DLGAP4: variants seen among roughly 807,000 people sequenced by gnomAD.
DLGAP4 encodes DLG associated protein 4, also known as disks large-associated protein 4.
DLGAP4 carries 18 observed loss-of-function variants against 86.9 expected under a neutral mutation model. That is an observed-to-expected ratio of 0.21 (90% CI 0.14 to 0.31). The LOEUF (loss-of-function observed/expected upper bound fraction) is 0.31. Among genes scored for constraint, DLGAP4 ranks in the 10% least tolerant of loss-of-function variants. DLGAP4 has a pLI of 1.00. For synonymous variants in DLGAP4, 548 were observed against 574.3 expected (o/e 0.95, Z 0.65); for missense variants, 1,085 against 1,362.6 (o/e 0.80, Z 3.21).
At chr20:36,497,790 T>A in intron 8 of DLGAP4, 1 of 208,776 alleles carries the variant, frequency 4.8e-6, no homozygotes, top group Non-Finnish European at 8.4e-6. Flanking sequence ...TTCATTGCAC[T>A]CCTGCATGCA....
chr20:36,466,414 A>G (rs1314217672), intron 7 of DLGAP4, among the ~76,000 whole-genome samples: 1 of 152,152 alleles, frequency 6.6e-6, no homozygotes, highest in East Asian at 1.9e-4. Context: ...CCTTTCCCCT[A>G]CTTGGTCCTG....
intron 8 of DLGAP4, chr20:36,497,387 C>G: frequency 8.4e-7 from 1 of 1,187,998 alleles, no homozygotes; most frequent in Non-Finnish European, 1.0e-6. Flanking sequence ...CCACTCCACC[C>G]TTTGCCCTGC....
chr20:36,396,934 A>G (rs1416873387), intron 2 of DLGAP4, among the ~76,000 whole-genome samples: 4 of 152,220 alleles, frequency 2.6e-5, no homozygotes, highest in East Asian at 3.9e-4. Flanking sequence ...CCTGTGCCCC[A>G]GGGAGGAGTT....
At chr20:36,505,498 G>A (rs2147791121) in intron 10 of DLGAP4, among the ~76,000 whole-genome samples, 1 of 152,246 alleles carries the variant, frequency 6.6e-6, no homozygotes, top group African/African-American at 2.4e-5. Context: ...TTTTAGGCTG[G>A]GTGTGGTGGC....
chr20:36,345,602 G>T (rs781900829), intron 1 of DLGAP4, among the ~76,000 whole-genome samples: 1 of 152,176 alleles, frequency 6.6e-6, no homozygotes, highest in Non-Finnish European at 1.5e-5. Context: ...CTCAAGCCTT[G>T]CCTATGGCGA....
At chr20:36,342,263 T>C (rs2065390983) in intron 1 of DLGAP4, among the ~76,000 whole-genome samples, 1 of 152,206 alleles carries the variant, frequency 6.6e-6, no homozygotes, top group South Asian at 2.1e-4. Flanking sequence ...AGATGGCTCC[T>C]ATCTCTTCAT....
At chr20:36,510,210 G>A (rs538076382) in intron 10 of DLGAP4, among the ~76,000 whole-genome samples, 1 of 152,164 alleles carries the variant, frequency 6.6e-6, no homozygotes, top group Non-Finnish European at 1.5e-5. Flanking sequence ...TCTGGGCTCT[G>A]TTCTGTTCCT....
intron 7 of DLGAP4, among the ~76,000 whole-genome samples, chr20:36,480,618 G>A (rs2035144076): frequency 6.6e-6 from 1 of 152,090 alleles, no homozygotes; most frequent in African/African-American, 2.4e-5. Context: ...GGCTGACGTG[G>A]GAGGATCACT....
intron 1 of DLGAP4, among the ~76,000 whole-genome samples, chr20:36,363,859 G>A (rs1219915750): frequency 6.6e-6 from 1 of 152,180 alleles, no homozygotes; most frequent in East Asian, 1.9e-4. Flanking sequence ...TGATGGAGGA[G>A]GCTGTGTCAG....
Position 36,496,701 on chromosome 20 carries a change from G to A in DLGAP4, c.1649-4G>A. On this transcript the variant is annotated splice_region_variant and splice_polypyrimidine_tract_variant and intron_variant, in intron 7 of 12. Transcript: ENST00000339266. ...TCCCCTGCCCTTCTCTCATCCATCT[G>A]CAGGTTCATCATGCCTAGTGGCGTA... 9.4e-6 allele frequency: 15 copies of A among 1,596,538 alleles called. No homozygotes were observed. Among genetic ancestry groups the A allele is most frequent in the Non-Finnish European group, 1.3e-5 (15 of 1,166,016 alleles).
At chr20:36,426,560 G>C (rs551918968) in intron 2 of DLGAP4, among the ~76,000 whole-genome samples, 1 of 152,064 alleles carries the variant, frequency 6.6e-6, no homozygotes, top group Non-Finnish European at 1.5e-5. Context: ...CCAGGGGCTA[G>C]GAGAAGGAGG....
chr20:36,491,030 TAAA>T (rs757935259), intron 7 of DLGAP4, among the ~76,000 whole-genome samples: 10 of 101,424 alleles, frequency 9.9e-5, no homozygotes, highest in African/African-American at 2.5e-4. Context: ...CCATCTCTAC[TAAA>T]AAAAAAAAAA....
intron 2 of DLGAP4, among the ~76,000 whole-genome samples, chr20:36,370,642 C>A (rs183337411): frequency 2.6e-5 from 4 of 151,688 alleles, no homozygotes; most frequent in Non-Finnish European, 5.9e-5. Flanking sequence ...CATAGCAAGA[C>A]CCCCTTCTCC....
intron 2 of DLGAP4, among the ~76,000 whole-genome samples, chr20:36,430,626 TGA>T (rs1473944784): frequency 8.2e-6 from 1 of 121,394 alleles, no homozygotes; most frequent in Non-Finnish European, 1.6e-5. Flanking sequence ...AAGGCTGCAG[TGA>T]GCTGTCTGTG....
intron 2 of DLGAP4, among the ~76,000 whole-genome samples, chr20:36,430,408 G>C (rs1241748565): frequency 6.6e-6 from 1 of 152,166 alleles, no homozygotes; most frequent in African/African-American, 2.4e-5. Flanking sequence ...GTGAAGGGCA[G>C]AGCAGGTTTT....
chr20:36,461,628 C>A, intron 7 of DLGAP4: 1 of 934,650 alleles, frequency 1.1e-6, no homozygotes, highest in Non-Finnish European at 1.3e-6. Flanking sequence ...CCGCCCGGAG[C>A]AGCCGCGGCC....
At chr20:36,387,006 A>G (rs1653334499) in intron 2 of DLGAP4, among the ~76,000 whole-genome samples, 1 of 152,108 alleles carries the variant, frequency 6.6e-6, no homozygotes, top group Non-Finnish European at 1.5e-5. Context: ...GCCGGTGGAT[A>G]TTTCAGTGGT....
Position 36,500,964 on chromosome 20 carries a change from TATGAGC to T in DLGAP4, c.2512+357_2512+362del, listed in dbSNP as rs1157609312. Among the ~76,000 whole-genome samples the T allele has an allele frequency of 6.6e-6, 1 of 152,074 alleles. No homozygotes were observed. Among genetic ancestry groups the T allele is most frequent in the African/African-American group, 2.4e-5 (1 of 41,394 alleles). On this transcript the variant is annotated intron_variant, in intron 10 of 12. Transcript: ENST00000339266. This position sits in a 1 kb window ranked among gnomAD's most constrained non-coding sequence, Gnocchi z 4.6. ...AATGGAGCTAATCCTCTGCTCACTA[TATGAGC>T]ATGTTGTAAGGATTGAATGTGGTCG...
chr20:36,500,205 C>T lies in DLGAP4; in HGVS notation c.2106C>T (p.Ser702=), dbSNP rs1018976345. The change falls in exon 10 of 13, where the codon AGC becomes AGT. Residue 702 remains serine (S), a synonymous_variant. Transcript: ENST00000339266. The surrounding 1 kb of genome is among the most constrained non-coding windows in gnomAD (Gnocchi z 4.6). ...ATCCACCCCCTACCCACAGAAGCAGCGTCCCCTCTCACAGTATGTCCTCCC... is the reference window on the plus strand; with the variant it reads ...ATCCACCCCCTACCCACAGAAGCAGTGTCCCCTCTCACAGTATGTCCTCCC... ...GVQVEDDWRS[S]VPSHSMSSRR... 3.9e-6 allele frequency: 6 copies of T among 1,525,370 alleles called. No individual in the cohort carries two copies. The highest frequency in any genetic ancestry group is 1.8e-4 in the Middle Eastern group (1 of 5,686). The allele number at this position is 1,525,370 out of a possible 1,614,324, so 94.5% of individuals were successfully genotyped here.
Sources: gnomAD v4.1 joint callset for allele counts (sites outside exome capture counted in the v4.1 genomes callset) on GRCh38, gnomAD v4.1.1 for gene constraint, Gnocchi (gnomAD v3.1) non-coding constraint, MANE v1.5 for transcripts, NCBI Gene and HGNC (gene_info 2026-07-23, HGNC 2026-07-21) for gene names.